Variants in DLGAP1 observed in about 807,000 individuals in gnomAD.
The protein encoded by DLGAP1 is DLG associated protein 1, also known as disks large-associated protein 1.
A neutral mutation model predicts 90.8 loss-of-function variants in DLGAP1; 11 were observed. The ratio of observed to expected loss-of-function variants is 0.12; its 90% CI spans 0.08 to 0.20. The LOEUF (loss-of-function observed/expected upper bound fraction) is 0.20, where lower values mean the gene tolerates loss of function less well. DLGAP1 is among the 10% of genes least tolerant of loss of function. The probability of loss-of-function intolerance (pLI) is 1.00; values close to 1 mark genes in which losing one functional copy is unlikely to be tolerated. For missense variants in DLGAP1, 1,050 were observed against 1,333.8 expected (o/e 0.79, Z 3.31); for synonymous variants, 558 against 540.7 (o/e 1.03, Z -0.44).
intron 1 of DLGAP1, among the ~76,000 whole-genome samples, chr18:4,432,327 T>C (rs931518545): frequency 3.3e-5 from 5 of 152,144 alleles, no homozygotes; most frequent in African/African-American, 1.2e-4. Context: ...GTTTTACTAT[T>C]AAACATAGGT....
intron 1 of DLGAP1, among the ~76,000 whole-genome samples, chr18:4,412,072 T>C (rs887273067): frequency 2.0e-5 from 3 of 152,156 alleles, no homozygotes; most frequent in Non-Finnish European, 4.4e-5. Context: ...GTCTCCTTAG[T>C]ATCGTGTAAA....
At chr18:4,217,058 C>T (rs1014066042) in intron 1 of DLGAP1, among the ~76,000 whole-genome samples, 1 of 152,022 alleles carries the variant, frequency 6.6e-6, no homozygotes, top group African/African-American at 2.4e-5. Context: ...TCTTTCTGAA[C>T]TCCTGGGAAC....
intron 1 of DLGAP1, among the ~76,000 whole-genome samples, chr18:4,391,599 A>G (rs1361663724): frequency 6.6e-6 from 1 of 152,154 alleles, no homozygotes; most frequent in African/African-American, 2.4e-5. Flanking sequence ...GCGACTACAT[A>G]GCCCATAACA....
intron 1 of DLGAP1, among the ~76,000 whole-genome samples, chr18:4,260,459 T>C (rs879928090): frequency 3.9e-5 from 6 of 152,228 alleles, no homozygotes; most frequent in African/African-American, 1.2e-4. Context: ...AAAGCTCAAG[T>C]TAAGTTTCAC....
chr18:4,022,646 A>G (rs935494469), intron 2 of DLGAP1, among the ~76,000 whole-genome samples: 4 of 152,246 alleles, frequency 2.6e-5, no homozygotes, highest in African/African-American at 7.2e-5. Context: ...TAGCTCTGCC[A>G]TGAACATGAA....
At chr18:3,961,515 A>G (rs994785789) in intron 3 of DLGAP1, among the ~76,000 whole-genome samples, 6 of 151,784 alleles carry the variant, frequency 4.0e-5, no homozygotes, top group African/African-American at 1.2e-4. Context: ...TGCCCCACCC[A>G]TTTCTCTTCC....
At chr18:3,851,498 A>T (rs1457060718) in intron 4 of DLGAP1, among the ~76,000 whole-genome samples, 1 of 152,208 alleles carries the variant, frequency 6.6e-6, no homozygotes, top group Non-Finnish European at 1.5e-5. Flanking sequence ...ACTACTGCCC[A>T]TCATTCCCTC....
At chr18:3,858,266 G>C (rs1568247382) in intron 4 of DLGAP1, among the ~76,000 whole-genome samples, 1 of 151,998 alleles carries the variant, frequency 6.6e-6, no homozygotes, top group Admixed American at 6.6e-5. Flanking sequence ...AAGTCCAGGT[G>C]ATTCTATACT....
At chr18:4,369,383 T>G (rs2081861730) in intron 1 of DLGAP1, among the ~76,000 whole-genome samples, 1 of 152,140 alleles carries the variant, frequency 6.6e-6, no homozygotes, top group Non-Finnish European at 1.5e-5. Context: ...TGACAAGAGA[T>G]CCCAAATCTT....
At chr18:3,543,488 T>C (rs1427183306) in intron 9 of DLGAP1, among the ~76,000 whole-genome samples, 2 of 152,116 alleles carry the variant, frequency 1.3e-5, no homozygotes, top group Non-Finnish European at 2.9e-5. Flanking sequence ...ATTTTTCCAA[T>C]ACATTCCAAG....
chr18:3,717,071 T>G (rs2061789954), intron 7 of DLGAP1, among the ~76,000 whole-genome samples: 1 of 143,008 alleles, frequency 7.0e-6, no homozygotes. Flanking sequence ...TTAGTGGAAA[T>G]TCAAAACAAG....
intron 1 of DLGAP1, among the ~76,000 whole-genome samples, chr18:4,307,318 C>G (rs1242580290): frequency 6.6e-6 from 1 of 152,126 alleles, no homozygotes; most frequent in African/African-American, 2.4e-5. Flanking sequence ...TGCTAGGTGA[C>G]AGACTCCTTC....
chr18:3,651,979 A>G (rs1357069140), intron 7 of DLGAP1, among the ~76,000 whole-genome samples: 2 of 151,196 alleles, frequency 1.3e-5, no homozygotes, highest in Non-Finnish European at 2.9e-5. Flanking sequence ...AAACACAACA[A>G]CAACAACAAC....
rs1568278344 is a variant in DLGAP1, at chr18:3,600,811, T to TATATAG, written c.1592-18564_1592-18563insCTATAT. ...ATATATAGATATATAGATATATAGA[T>TATATAG]ATATATAGATATATAGATATATATA... On this transcript the variant is annotated intron_variant, in intron 7 of 12. Transcript: ENST00000315677. Among the ~76,000 whole-genome samples the TATATAG allele has an allele frequency of 4.8e-4, 45 of 93,254 alleles. 3 individuals are homozygous for TATATAG. The highest frequency in any genetic ancestry group is 2.5e-3 in the African/African-American group (42 of 16,628). The allele number at this position is 93,254 out of a possible 152,430, so 61.2% of individuals were successfully genotyped here.
chr18:4,335,190 G>C (rs2081043024), intron 1 of DLGAP1, among the ~76,000 whole-genome samples: 1 of 151,932 alleles, frequency 6.6e-6, no homozygotes, highest in African/African-American at 2.4e-5. Context: ...ATTTCTTATG[G>C]GTGAGAATGT....
At position 3,502,425 on chromosome 18, in the gene DLGAP1, G is replaced by C. The variant is rs755576421; in HGVS notation, c.2724+68C>G. 2.5e-6 allele frequency: 4 copies of C among 1,602,624 alleles called. No individual in the cohort carries two copies. In the East Asian group the frequency reaches 8.9e-5, roughly 36 times the overall value. ...GTAAACAGCAGGACTGAATGCAGAAGCCTATTTAGACTGTCCAGTGTTTGT... is the reference window on the plus strand; with the variant it reads ...GTAAACAGCAGGACTGAATGCAGAACCCTATTTAGACTGTCCAGTGTTTGT... On this transcript the variant is annotated intron_variant, in intron 12 of 12. Transcript: ENST00000315677.
At chr18:4,134,037 G>T (rs932511254) in intron 2 of DLGAP1, among the ~76,000 whole-genome samples, 1 of 151,820 alleles carries the variant, frequency 6.6e-6, no homozygotes, top group African/African-American at 2.4e-5. Flanking sequence ...TGGGATGATT[G>T]AATTTATAAT....
At chr18:3,586,783 C>G (rs779527210) in intron 7 of DLGAP1, among the ~76,000 whole-genome samples, 18 of 152,162 alleles carry the variant, frequency 1.2e-4, no homozygotes, top group Non-Finnish European at 2.1e-4. Context: ...TTGCTAAGCC[C>G]TAAACCCACA....
chr18:3,506,461 C>T (rs1161148271), intron 11 of DLGAP1, among the ~76,000 whole-genome samples: 7 of 146,050 alleles, frequency 4.8e-5, no homozygotes, highest in South Asian at 2.1e-4. Context: ...TGCAGTGAGC[C>T]GAGATTGCGC....
Sources: gnomAD v4.1 joint callset for allele counts (sites outside exome capture counted in the v4.1 genomes callset) on GRCh38, gnomAD v4.1.1 for gene constraint, MANE v1.5 for transcripts, NCBI Gene and HGNC (gene_info 2026-07-23, HGNC 2026-07-21) for gene names.